The following TDRD1 variants were observed in gnomAD, a reference collection of about 807,000 sequenced individuals.
The protein encoded by TDRD1 is tudor domain-containing protein 1.
In TDRD1, 37 loss-of-function variants were observed where a neutral mutation model predicts 140.6. The observed-to-expected ratio is 0.26, with a 90% confidence interval of 0.20 to 0.35. The LOEUF is 0.35. Ranked by LOEUF, TDRD1 falls within the 10% of genes least tolerant of loss-of-function variation. TDRD1 has a pLI of 1.00. For missense variants in TDRD1, 1,243 were observed against 1,393.0 expected (o/e 0.89, Z 1.71); for synonymous variants, 506 against 475.7 (o/e 1.06, Z -0.83).
intron 4 of TDRD1, among the ~76,000 whole-genome samples, chr10:114,200,438 T>A (rs569097195): frequency 9.8e-5 from 15 of 152,300 alleles, no homozygotes; most frequent in East Asian, 7.7e-4. Context: ...TGGGATTTTT[T>A]AAAAAATCCT....
intron 4 of TDRD1, among the ~76,000 whole-genome samples, chr10:114,200,895 C>A (rs2034694333): frequency 6.9e-6 from 1 of 145,192 alleles, no homozygotes; most frequent in South Asian, 2.2e-4. Context: ...ACTCTGTCAC[C>A]CAGGCTGTGG....
At chr10:114,216,574 A>T (rs578051508) in intron 16 of TDRD1, among the ~76,000 whole-genome samples, 2 of 152,352 alleles carry the variant, frequency 1.3e-5, no homozygotes, top group South Asian at 4.1e-4. Flanking sequence ...ATACAGGATT[A>T]GTGGTTTCCA....
At chr10:114,213,978 T>C in exon 16 of TDRD1, 1 of 1,613,958 alleles carries the variant, frequency 6.2e-7, no homozygotes, top group Admixed American at 1.7e-5. Flanking sequence ...TTTTCACAGT[T>C]CCCTTGGGTG....
chr10:114,215,141 C>T (rs1291779856), intron 16 of TDRD1, among the ~76,000 whole-genome samples: 2 of 152,152 alleles, frequency 1.3e-5, no homozygotes, highest in East Asian at 1.9e-4. Context: ...ACACACTATG[C>T]GAGCTTCTGA....
intron 3 of TDRD1, among the ~76,000 whole-genome samples, chr10:114,193,955 T>C (rs1355987195): frequency 6.6e-6 from 1 of 152,240 alleles, no homozygotes; most frequent in Non-Finnish European, 1.5e-5. Flanking sequence ...TTGATTGATA[T>C]GGTAGTGACT....
intron 25 of TDRD1, among the ~76,000 whole-genome samples, chr10:114,230,249 C>T (rs1363967242): frequency 1.3e-5 from 2 of 152,168 alleles, no homozygotes; most frequent in African/African-American, 4.8e-5. Context: ...AGTGAAATTT[C>T]ATTGTTTCTT....
chr10:114,217,684 T>G, intron 17 of TDRD1, 29 bp downstream of exon 17: 1 of 1,186,906 alleles, frequency 8.4e-7, no homozygotes. Flanking sequence ...AATCTTGACT[T>G]TTAGAACCTT....
intron 11 of TDRD1, among the ~76,000 whole-genome samples, chr10:114,206,611 G>GTT (rs33936742): frequency 5.3e-4 from 56 of 105,970 alleles, no homozygotes; most frequent in Admixed American, 2.0e-3. Context: ...GTTAGGGTTT[G>GTT]TTTTTTTTTT....
chr10:114,207,120 A>G (rs1286576644), intron 11 of TDRD1, among the ~76,000 whole-genome samples: 2 of 152,162 alleles, frequency 1.3e-5, no homozygotes, highest in Non-Finnish European at 2.9e-5. Context: ...TTACTTCCTC[A>G]TTGCCTAATC....
chr10:114,231,801 C>A, exon 26 of TDRD1: 1 of 334,654 alleles, frequency 3.0e-6, no homozygotes, highest in Non-Finnish European at 5.3e-6. Flanking sequence ...TTAAAGGTAC[C>A]GAAGGAAGGC....
rs115323138 is a variant in TDRD1, at chr10:114,191,146, T to C, written c.384+127T>C. 478 of 1,076,916 alleles carry C rather than the reference T, an allele frequency of 4.4e-4. 1 individual carries two copies. In the African/African-American group the frequency reaches 6.7e-3, roughly 15 times the overall value. The allele number at this position is 1,076,916 out of a possible 1,614,324, so 66.7% of individuals were successfully genotyped here. Reference sequence around the variant, plus strand: ...TCAAATGTTTTTTCTTTTATGTACATTTTTAAAAAAAGAAAACTTTCTTAG... The same window carrying C: ...TCAAATGTTTTTTCTTTTATGTACACTTTTAAAAAAAGAAAACTTTCTTAG... On this transcript the variant is annotated intron_variant, in intron 3 of 25. Coordinates refer to ENST00000251864, the Ensembl canonical transcript of TDRD1.
At chr10:114,196,833 CTTTTTTTTTTTTTTT>C (rs36124319) in intron 3 of TDRD1, among the ~76,000 whole-genome samples, 7 of 48,326 alleles carry the variant, frequency 1.4e-4, no homozygotes, top group African/African-American at 3.8e-4. Context: ...TTCTAGCAGT[CTTTTTTTTTTTTTTT>C]TTTTTTTTTT....
chr10:114,186,485 C>A (rs371890684), intron 1 of TDRD1, among the ~76,000 whole-genome samples: 1,812 of 146,744 alleles, frequency 0.012, 34 homozygotes, highest in African/African-American at 0.043. Flanking sequence ...AAGATGATCT[C>A]GATCTCCTGA....
At chr10:114,195,334 A>C (rs995800450) in intron 3 of TDRD1, among the ~76,000 whole-genome samples, 2 of 152,206 alleles carry the variant, frequency 1.3e-5, no homozygotes, top group African/African-American at 4.8e-5. Context: ...CAGACGACCT[A>C]TAAATACCTA....
chr10:114,187,910 A>C (rs575301130), exon 2 of TDRD1: 1 of 1,613,144 alleles, frequency 6.2e-7, no homozygotes, highest in Non-Finnish European at 8.5e-7. Flanking sequence ...AGAGCCATTT[A>C]ATTTTGAGAA....
chr10:114,187,678 G>A, intron 1 of TDRD1, 148 bp from the exon 2 acceptor site: 2 of 688,292 alleles, frequency 2.9e-6, no homozygotes, highest in South Asian at 2.9e-5. Context: ...TGTCGGCCAA[G>A]TTTTGATGTC....
chr10:114,197,142 G>A (rs972575866), intron 3 of TDRD1, among the ~76,000 whole-genome samples: 4 of 151,906 alleles, frequency 2.6e-5, no homozygotes, highest in African/African-American at 9.7e-5. Context: ...CACTGTGCCT[G>A]GCCTCAGCAG....
In TDRD1 at chr10:114,217,607, A is replaced by G. The variant is rs2035893431; in HGVS notation, c.2275A>G (p.Asn759Asp). 3 of 1,605,816 alleles carry G rather than the reference A, an allele frequency of 1.9e-6. No homozygotes were observed. The highest frequency in any genetic ancestry group is 1.3e-5 in the African/African-American group (1 of 74,526). ...AGAACACTGCCAGCAGAAGTTACCT[A>G]ATGGTTTCAAGGCAGAGATAGGACA... Residue 759 changes from asparagine (N) to aspartate (D), a missense_variant, in exon 17 of 26, where the codon AAT (asparagine) becomes GAT (aspartate). By Grantham distance (23) the Asn-to-Asp change is conservative. This residue lies in a region of TDRD1 where 601 missense variants were observed against 734.7 expected (regional missense o/e 0.82). Coordinates refer to ENST00000251864, the Ensembl canonical transcript of TDRD1.
intron 16 of TDRD1, 116 bp from the exon 17 acceptor site, chr10:114,217,429 G>T (rs1458059103): frequency 1.8e-6 from 1 of 559,410 alleles, no homozygotes; most frequent in Non-Finnish European, 3.2e-6. Context: ...CTTAATAGTA[G>T]TTTAGGGAGG....
Sources: allele counts gnomAD v4.1 joint callset (sites outside exome capture counted in the v4.1 genomes callset), GRCh38; gene constraint gnomAD v4.1.1; regional missense constraint gnomAD v4.1.1; transcripts MANE v1.5; gene names NCBI Gene and HGNC (gene_info 2026-07-23, HGNC 2026-07-21).